ERGIC1: variants seen among roughly 807,000 people sequenced by gnomAD.
ERGIC1 encodes the protein endoplasmic reticulum-Golgi intermediate compartment protein 1.
A neutral mutation model predicts 38.3 loss-of-function variants in ERGIC1; 19 were observed. That is an observed-to-expected ratio of 0.50 (90% CI 0.35 to 0.73). ERGIC1 has a LOEUF of 0.73. Among genes scored for constraint, ERGIC1 ranks in the 30% least tolerant of loss-of-function variants. The pLI, the probability that ERGIC1 is intolerant of heterozygous loss-of-function variation, is 0.01. For synonymous variants in ERGIC1, 124 were observed against 157.6 expected (o/e 0.79, Z 1.60); for missense variants, 294 against 389.2 (o/e 0.76, Z 2.06).
chr5:172,895,471 C>T (rs1219005926), intron 2 of ERGIC1, among the ~76,000 whole-genome samples: 2 of 142,778 alleles, frequency 1.4e-5, no homozygotes, highest in Admixed American at 7.2e-5. Flanking sequence ...ATTCAGCCCT[C>T]ATTTTGTATC....
chr5:172,896,896 G>GC (rs1264036413), intron 2 of ERGIC1, 106 bp from the exon 3 acceptor site: 1 of 1,050,202 alleles, frequency 9.5e-7, no homozygotes, highest in African/African-American at 1.6e-5. Context: ...TGTGGGCACA[G>GC]CCCCACACCC....
intron 1 of ERGIC1, among the ~76,000 whole-genome samples, chr5:172,855,364 G>A (rs896548939): frequency 6.6e-6 from 1 of 152,172 alleles, no homozygotes; most frequent in Non-Finnish European, 1.5e-5. Flanking sequence ...CTGCTGAGAT[G>A]GTCTCGGGCC....
At chr5:172,898,092 C>G (rs1437928206) in intron 3 of ERGIC1, 1 of 390,818 alleles carries the variant, frequency 2.6e-6, no homozygotes, top group East Asian at 3.6e-5. Context: ...GTTTACAGCC[C>G]GGAAAGTCAT....
chr5:172,908,116 G>GC (rs1763082067), intron 3 of ERGIC1, among the ~76,000 whole-genome samples: 1 of 151,358 alleles, frequency 6.6e-6, no homozygotes, highest in Admixed American at 6.6e-5. Flanking sequence ...GATGTGTGTG[G>GC]CCGTGTTACC....
At chr5:172,918,605 G>A (rs773762189) in intron 5 of ERGIC1, among the ~76,000 whole-genome samples, 5 of 152,250 alleles carry the variant, frequency 3.3e-5, no homozygotes, top group Non-Finnish European at 5.9e-5. Context: ...CAGGAAGGCA[G>A]GCTTGGAATG....
At chr5:172,938,408 C>T (rs865925074) in intron 9 of ERGIC1, among the ~76,000 whole-genome samples, 5 of 152,192 alleles carry the variant, frequency 3.3e-5, no homozygotes, top group African/African-American at 4.8e-5. Flanking sequence ...TTTCTGTCCC[C>T]GTTTCTGTTT....
intron 1 of ERGIC1, among the ~76,000 whole-genome samples, chr5:172,859,732 G>A (rs530104134): frequency 3.0e-4 from 45 of 152,320 alleles, no homozygotes; most frequent in African/African-American, 1.0e-3. Context: ...GCTATCCTCC[G>A]CAGGTGCCCT....
intron 2 of ERGIC1, among the ~76,000 whole-genome samples, chr5:172,890,623 T>G (rs1471191193): frequency 1.3e-5 from 2 of 152,212 alleles, no homozygotes; most frequent in Admixed American, 1.3e-4. Flanking sequence ...GGGGATGCTT[T>G]CGCCTCATTT....
In ERGIC1 at chr5:172,947,876, T is replaced by TG. The variant is rs1764156910; in HGVS notation, c.766-2833_766-2832insG. ...GTGTGTAGATGAATACAGATGTGTT[T>TG]TGTGTGTGTGTGTGTGTGTGTGTGT... On this transcript the variant is annotated intron_variant, in intron 9 of 9. Coordinates refer to ENST00000393784, the MANE Select transcript of ERGIC1 (RefSeq NM_001031711.3). Among the ~76,000 whole-genome samples the TG allele has an allele frequency of 6.2e-5, 9 of 145,726 alleles. No individual in the cohort carries two copies. The East Asian group carries it at 8.2e-4, about 13-fold the overall frequency.
chr5:172,914,540 G>C, intron 4 of ERGIC1, 174 bp from the exon 5 acceptor site: 2 of 1,045,556 alleles, frequency 1.9e-6, no homozygotes, highest in East Asian at 5.2e-5. Context: ...CACGTTTAGC[G>C]GAGTCATTGT....
chr5:172,858,674 A>G (rs11950179), intron 1 of ERGIC1, among the ~76,000 whole-genome samples: 1 of 152,208 alleles, frequency 6.6e-6, no homozygotes, highest in Admixed American at 6.5e-5. Context: ...GGCTGTTAGC[A>G]TAGGCCCTAC....
intron 3 of ERGIC1, among the ~76,000 whole-genome samples, chr5:172,907,002 G>A (rs1763044875): frequency 1.3e-5 from 2 of 152,188 alleles, no homozygotes; most frequent in East Asian, 1.9e-4. Context: ...ATGGGTCCAG[G>A]AAGAAACACA....
rs1036400433 is a variant in ERGIC1 at position 172,846,333 on chromosome 5, G to A, written c.20+11900G>A. Among the ~76,000 whole-genome samples the A allele has an allele frequency of 3.3e-5, 5 of 152,152 alleles. No individual in the cohort carries two copies. The highest frequency in any genetic ancestry group is 7.4e-5 in the Non-Finnish European group (5 of 68,004). On this transcript the variant is annotated intron_variant, in intron 1 of 9. Transcript: ENST00000393784. The surrounding 1 kb of genome is among the most constrained non-coding windows in gnomAD (Gnocchi z 4.0). ...TCTTTCTGCGCTGTCTGTGCAGGAC[G>A]CCCAGCACTGGGCACTTTGAGTCAC...
chr5:172,842,320 G>A (rs551850343), intron 1 of ERGIC1, among the ~76,000 whole-genome samples: 3 of 152,142 alleles, frequency 2.0e-5, no homozygotes, highest in Non-Finnish European at 4.4e-5. Context: ...TTCACATAAC[G>A]TAATGTCCAC....
At chr5:172,838,096 T>C (rs1761077671) in intron 1 of ERGIC1, among the ~76,000 whole-genome samples, 1 of 152,146 alleles carries the variant, frequency 6.6e-6, no homozygotes, top group Non-Finnish European at 1.5e-5. Context: ...TGACTTCCCC[T>C]CTCGGAGCCT....
intron 1 of ERGIC1, among the ~76,000 whole-genome samples, chr5:172,840,986 T>C (rs567642890): frequency 3.3e-5 from 5 of 152,312 alleles, no homozygotes; most frequent in South Asian, 2.1e-4. Context: ...ACCAGAGTTA[T>C]TTGGTTCAGC....
chr5:172,883,010 G>A (rs946685169), intron 1 of ERGIC1, among the ~76,000 whole-genome samples: 4 of 152,138 alleles, frequency 2.6e-5, no homozygotes, highest in South Asian at 2.1e-4. Flanking sequence ...ATAGCTCACT[G>A]TAGCCTCAAT....
intron 1 of ERGIC1, among the ~76,000 whole-genome samples, chr5:172,880,783 G>A (rs1438325544): frequency 6.6e-6 from 1 of 152,252 alleles, no homozygotes; most frequent in Non-Finnish European, 1.5e-5. Flanking sequence ...GTTGAGGGCA[G>A]GGGGCCCTAT....
intron 4 of ERGIC1, among the ~76,000 whole-genome samples, chr5:172,912,940 T>C (rs1325795264): frequency 2.0e-5 from 3 of 152,172 alleles, no homozygotes; most frequent in Non-Finnish European, 2.9e-5. Flanking sequence ...AGCTAATGTT[T>C]TGTGGTTTTA....
Sources: gnomAD v4.1 joint callset for allele counts (sites outside exome capture counted in the v4.1 genomes callset) on GRCh38, gnomAD v4.1.1 for gene constraint, Gnocchi (gnomAD v3.1) non-coding constraint, MANE v1.5 for transcripts, NCBI Gene and HGNC (gene_info 2026-07-23, HGNC 2026-07-21) for gene names.